The following EPB41 variants were observed in gnomAD, a reference collection of about 807,000 sequenced individuals.
EPB41 encodes the protein erythrocyte membrane protein band 4.1.
Under a neutral mutation model 108.0 loss-of-function variants are expected in EPB41, and 65 were observed. The observed-to-expected ratio is 0.60, with a 90% CI of 0.49 to 0.74. The LOEUF (loss-of-function observed/expected upper bound fraction) is 0.74. Ranked by LOEUF, EPB41 falls within the 30% of genes least tolerant of loss-of-function variation. The pLI is 0.00. For missense variants in EPB41, 875 were observed against 1,037.0 expected (o/e 0.84, Z 2.15); for synonymous variants, 336 against 358.9 (o/e 0.94, Z 0.72).
At chr1:29,021,784 G>A (rs557062893) in intron 7 of EPB41, among the ~76,000 whole-genome samples, 18 of 152,014 alleles carry the variant, frequency 1.2e-4, no homozygotes, top group Non-Finnish European at 2.4e-4. Context: ...AGGTTTCACC[G>A]TGTTAGCCAG....
At chr1:28,920,458 A>G (rs949235736) in intron 1 of EPB41, among the ~76,000 whole-genome samples, 5 of 152,224 alleles carry the variant, frequency 3.3e-5, no homozygotes, top group Non-Finnish European at 5.9e-5. Context: ...AGCACCGGAC[A>G]CAACATAGAC....
At position 28,915,713 on chromosome 1, in the gene EPB41, CT is replaced by C. The variant is rs539644248; in HGVS notation, c.-8+956del. Among the ~76,000 whole-genome samples, 49 of 76,222 alleles carry C rather than the reference CT, an allele frequency of 6.4e-4. 1 individual carries two copies. The highest frequency in any genetic ancestry group is 8.3e-4 in the African/African-American group (18 of 21,576). 50.0% of individuals were successfully genotyped at this position (76,222 alleles called of 152,430 possible). A position where few individuals can be genotyped will look rare whatever the true frequency, so the allele number is the denominator to read the frequency against. On this transcript the variant is annotated intron_variant, in intron 1 of 20. Transcript: ENST00000343067. The stretch of plus-strand genomic sequence containing the variant: ...ATTAGGAGATAGTTTTTTCTTTTTC[CT>C]TTTTTTTTTTCAGATGCTTTTTTTT...
In EPB41 at chr1:28,997,196, G is replaced by A. The variant is rs377669103; in HGVS notation, c.682-19G>A. 3.8e-5 allele frequency: 59 copies of A among 1,557,712 alleles called. No homozygotes were observed. The highest frequency in any genetic ancestry group is 1.6e-4 in the East Asian group (7 of 44,598). On this transcript the variant is annotated intron_variant, in intron 3 of 20. Coordinates refer to ENST00000343067, the MANE Select transcript of EPB41 (RefSeq NM_001376013.1). Reference sequence around the variant, plus strand: ...GAAGAAGAAACCTCAACTCAACTAAGTCACGTATATCTTTGCAGAAACATG... The same window carrying A: ...GAAGAAGAAACCTCAACTCAACTAAATCACGTATATCTTTGCAGAAACATG...
chr1:29,085,455 T>C (rs569898748), intron 16 of EPB41, among the ~76,000 whole-genome samples: 41 of 152,000 alleles, frequency 2.7e-4, no homozygotes, highest in Non-Finnish European at 5.0e-4. Context: ...AAAAACCACA[T>C]TTTAAATCAC....
At chr1:29,021,872 G>A (rs1343027607) in intron 7 of EPB41, among the ~76,000 whole-genome samples, 2 of 152,092 alleles carry the variant, frequency 1.3e-5, no homozygotes, top group African/African-American at 4.8e-5. Context: ...ATGAGCCATC[G>A]CGCCCGGTGG....
At chr1:28,914,449 C>G (rs2092426858), upstream of EPB41, 1 of 152,498 alleles carries the variant, frequency 6.6e-6, no homozygotes, top group African/African-American at 2.4e-5. Flanking sequence ...GGGCCGCGGG[C>G]CCGGCCCCCT....
intron 7 of EPB41, among the ~76,000 whole-genome samples, chr1:29,022,079 C>A (rs2096653254): frequency 6.6e-6 from 1 of 152,064 alleles, no homozygotes; most frequent in Non-Finnish European, 1.5e-5. Context: ...TTTTATATAT[C>A]CCCATGATCT....
At chr1:29,061,584 T>G (rs1044821762) in intron 15 of EPB41, among the ~76,000 whole-genome samples, 5 of 137,800 alleles carry the variant, frequency 3.6e-5, no homozygotes, top group African/African-American at 1.1e-4. Context: ...TTTTTTTTTT[T>G]TTTTTTTTTT....
At chr1:28,956,759 G>A (rs2094963901) in intron 1 of EPB41, among the ~76,000 whole-genome samples, 1 of 152,156 alleles carries the variant, frequency 6.6e-6, no homozygotes, top group Non-Finnish European at 1.5e-5. Flanking sequence ...CTTCTGATTA[G>A]GTACTGTGGG....
intron 2 of EPB41, chr1:28,989,554 C>T: frequency 4.7e-6 from 1 of 212,328 alleles, no homozygotes; most frequent in Non-Finnish European, 8.1e-6. Context: ...TAGAATATTA[C>T]ATGTATTTCT....
chr1:28,983,246 G>C (rs2095798999), intron 1 of EPB41, among the ~76,000 whole-genome samples: 1 of 152,132 alleles, frequency 6.6e-6, no homozygotes, highest in African/African-American at 2.4e-5. Flanking sequence ...TGCATCATTT[G>C]TTTCATTCAT....
At chr1:29,055,886 C>T (rs1460715235) in intron 12 of EPB41, among the ~76,000 whole-genome samples, 41 of 141,938 alleles carry the variant, frequency 2.9e-4, no homozygotes, top group Middle Eastern at 3.7e-3. Flanking sequence ...TGAGATTGCG[C>T]CACTGCACGC....
At chr1:29,035,291 T>G (rs1292969859) in intron 9 of EPB41, among the ~76,000 whole-genome samples, 1 of 152,154 alleles carries the variant, frequency 6.6e-6, no homozygotes, top group East Asian at 1.9e-4. Flanking sequence ...CAGGTATACA[T>G]ATTTCAAAAC....
intron 1 of EPB41, among the ~76,000 whole-genome samples, chr1:28,966,939 C>T (rs1031914105): frequency 1.3e-5 from 2 of 151,312 alleles, no homozygotes; most frequent in African/African-American, 4.9e-5. Flanking sequence ...TAGGATCATG[C>T]TACCTCCTTT....
chr1:29,109,669 T>G (rs1440896394), intron 18 of EPB41: 1 of 562,094 alleles, frequency 1.8e-6, no homozygotes, highest in Non-Finnish European at 3.2e-6. Context: ...TAAAGGTAGG[T>G]GTGGTTGTTC....
chr1:29,109,200 A>G (rs1668331711), intron 17 of EPB41, 136 bp from the exon 18 acceptor site: 4 of 590,782 alleles, frequency 6.8e-6, no homozygotes, highest in Admixed American at 5.1e-5. Context: ...CTCCGTCTCA[A>G]AAAAAAAAAA....
chr1:28,887,399 A>T lies in EPB41; in HGVS notation c.-8+189A>T, dbSNP rs891437086. On this transcript the variant is annotated intron_variant, in intron 1 of 16. Coordinates refer to the EPB41 transcript ENST00000347529. The surrounding 1 kb of genome is among the most constrained non-coding windows in gnomAD (Gnocchi z 4.9). ...ACTTGGGGTCCAAAGGAGTCTGGGC[A>T]TCTTAAAGTTCAGGGTGCAGGGAGG... 1 of 985,214 alleles carries T rather than the reference A, an allele frequency of 1.0e-6. No homozygotes were observed. The highest frequency in any genetic ancestry group is 6.1e-5 in the Admixed American group (1 of 16,270). The allele number at this position is 985,214 out of a possible 1,614,324, so 61.0% of individuals were successfully genotyped here.
At chr1:29,051,073 T>C (rs1644404287) in intron 11 of EPB41, among the ~76,000 whole-genome samples, 1 of 149,268 alleles carries the variant, frequency 6.7e-6, no homozygotes, top group Non-Finnish European at 1.5e-5. Flanking sequence ...AGCATTTCTT[T>C]CTTTTTCTTT....
chr1:28,968,689 C>A (rs185651576), intron 1 of EPB41, among the ~76,000 whole-genome samples: 1 of 152,032 alleles, frequency 6.6e-6, no homozygotes, highest in Non-Finnish European at 1.5e-5. Context: ...TGAGGCCGGG[C>A]GCAGTGGCTC....
Sources: allele counts gnomAD v4.1 joint callset (sites outside exome capture counted in the v4.1 genomes callset), GRCh38; gene constraint gnomAD v4.1.1; non-coding constraint Gnocchi (gnomAD v3.1); transcripts MANE v1.5; gene names NCBI Gene and HGNC (gene_info 2026-07-23, HGNC 2026-07-21).